Variants in MADD observed in about 807,000 individuals in gnomAD.
The protein encoded by MADD is MAP kinase-activating death domain protein.
MADD carries 109 observed loss-of-function variants against 176.7 expected under a neutral mutation model. That is an observed-to-expected ratio of 0.62 (90% CI 0.53 to 0.72). MADD has a LOEUF of 0.72. Among genes scored for constraint, MADD ranks in the 30% least tolerant of loss-of-function variants. The pLI is 0.00. For missense variants in MADD, 1,914 were observed against 2,045.5 expected (o/e 0.94, Z 1.24); for synonymous variants, 771 against 771.3 (o/e 1.00, Z 0.01).
intron 31 of MADD, chr11:47,327,240 CCAGA>C: frequency 1.0e-6 from 1 of 996,328 alleles, no homozygotes; most frequent in Non-Finnish European, 1.2e-6. Context: ...GGCCTCTGTG[CCAGA>C]CAAAGGGGCA....
At position 47,284,461 on chromosome 11, in the gene MADD, C is replaced by A; in HGVS notation, c.2053C>A (p.Pro685Thr). 3 of 1,614,110 alleles carry A rather than the reference C, an allele frequency of 1.9e-6. No homozygotes were observed. In the East Asian group the frequency reaches 6.7e-5, roughly 36 times the overall value. Residue 685 changes from proline (P) to threonine (T), a missense_variant, in exon 12 of 33, where the codon CCT becomes ACT. By Grantham distance (38) the Pro-to-Thr change is conservative. Coordinates refer to ENST00000402192, the Ensembl canonical transcript of MADD. Reference sequence around the variant, plus strand: ...GCAGAATCAGAAGGAAGCAGAAGAGCCTGGCCCAGACAGTGAGAACTCTCA... The same window carrying A: ...GCAGAATCAGAAGGAAGCAGAAGAGACTGGCCCAGACAGTGAGAACTCTCA...
At chr11:47,326,188 C>T (rs924778437) in intron 30 of MADD, among the ~76,000 whole-genome samples, 1 of 152,184 alleles carries the variant, frequency 6.6e-6, no homozygotes, top group Admixed American at 6.5e-5. Flanking sequence ...GATTAGAAAT[C>T]GTATTTGTAA....
intron 2 of MADD, among the ~76,000 whole-genome samples, chr11:47,274,256 T>C (rs1445836706): frequency 1.3e-5 from 2 of 152,232 alleles, no homozygotes; most frequent in East Asian, 1.9e-4. Context: ...AAGCTACTCC[T>C]CTATGTATAC....
At chr11:47,328,859 G>T (rs1470884168) in intron 32 of MADD, among the ~76,000 whole-genome samples, 155 bp downstream of exon 36, 1 of 152,174 alleles carries the variant, frequency 6.6e-6, no homozygotes, top group Non-Finnish European at 1.5e-5. Context: ...CAGGTCTTGA[G>T]CCCTGAGAGA....
intron 26 of MADD, among the ~76,000 whole-genome samples, chr11:47,313,303 T>C (rs1402751960): frequency 2.0e-5 from 3 of 152,148 alleles, no homozygotes; most frequent in African/African-American, 7.2e-5. Context: ...GAAACACTAT[T>C]TTCTTTCTTT....
In MADD at chr11:47,290,684, C is replaced by G. The variant is rs369513528; in HGVS notation, c.3169C>G (p.Arg1057Gly). Residue 1057 changes from arginine to glycine, a missense_variant, in exon 19 of 33, where the codon CGG becomes GGG. Arg to Gly is a moderately radical substitution (Grantham distance 125). Coordinates refer to ENST00000402192, the Ensembl canonical transcript of MADD. The stretch of plus-strand genomic sequence containing the variant: ...TGGCAAGGATCCTGGCCTAGCTGGG[C>G]GGGGGGACCCAAAGGCTATGGCACA... The G allele has an allele frequency of 1.9e-5, 31 of 1,613,950 alleles. No individual in the cohort carries two copies. In the East Asian group the frequency reaches 2.5e-4, roughly 13 times the overall value.
intron 6 of MADD, among the ~76,000 whole-genome samples, chr11:47,278,645 A>G (rs914553844): frequency 9.8e-5 from 15 of 152,286 alleles, no homozygotes; most frequent in Non-Finnish European, 7.4e-5. Context: ...TGCAGGCTTA[A>G]TTAATTATAT....
intron 27 of MADD, among the ~76,000 whole-genome samples, chr11:47,317,734 G>A (rs768767676): frequency 3.3e-5 from 5 of 151,492 alleles, no homozygotes; most frequent in Admixed American, 6.6e-5. Flanking sequence ...TTTTGCCTAT[G>A]GTATTTTTTG....
At chr11:47,327,821 C>T (rs938405776) in intron 31 of MADD, 1 of 985,312 alleles carries the variant, frequency 1.0e-6, no homozygotes, top group Non-Finnish European at 1.2e-6. Flanking sequence ...CAGGGAGATG[C>T]CAGGCCCCTC....
Position 47,313,812 on chromosome 11 carries a change from T to C in MADD, c.4090-1408T>C, listed in dbSNP as rs113335152. On this transcript the variant is annotated intron_variant, in intron 26 of 32. Transcript: ENST00000402192. ...TCTCACTCTGTCACCCGGGCTGGAGTGCAGCGGCGCGATCTCGGCTCACTA... is the reference window on the plus strand; with the variant it reads ...TCTCACTCTGTCACCCGGGCTGGAGCGCAGCGGCGCGATCTCGGCTCACTA... Among the ~76,000 whole-genome samples, 589 of 152,040 alleles carry C rather than the reference T, an allele frequency of 3.9e-3. 3 individuals carry two copies. Among genetic ancestry groups the C allele is most frequent in the African/African-American group, 0.013 (540 of 41,484 alleles).
At chr11:47,320,482 T>C (rs951639797) in intron 27 of MADD, among the ~76,000 whole-genome samples, 2 of 151,224 alleles carry the variant, frequency 1.3e-5, no homozygotes, top group African/African-American at 2.4e-5. Flanking sequence ...AAATGAAATA[T>C]ATATTTATAT....
rs549076869 is a variant in MADD, at chr11:47,302,961, TATC to T, written c.3643-5626_3643-5624del. ...TTTTGTGTATTTTCATGATAGTAAT[TATC>T]ATCTTTTTACTTCCAGATGTAGGAC... On this transcript the variant is annotated intron_variant, in intron 22 of 32. Coordinates refer to ENST00000402192, the Ensembl canonical transcript of MADD. Among the ~76,000 whole-genome samples, 1,347 of 152,350 alleles carry T rather than the reference TATC, an allele frequency of 8.8e-3. 10 individuals are homozygous for T. Among genetic ancestry groups the T allele is most frequent in the Non-Finnish European group, 0.013 (857 of 68,042 alleles).
chr11:47,323,607 GAAAC>G, intron 27 of MADD, 60 bp from the exon 31 acceptor site: 3 of 1,550,502 alleles, frequency 1.9e-6, no homozygotes, highest in Middle Eastern at 2.3e-4. Context: ...TTCCCTGTAG[GAAAC>G]AGTCTAGGGA....
intron 20 of MADD, among the ~76,000 whole-genome samples, chr11:47,294,669 CAAAA>C (rs58253961): frequency 1.8e-5 from 1 of 56,032 alleles, no homozygotes; most frequent in Non-Finnish European, 3.4e-5. Context: ...GACTCCGTCT[CAAAA>C]AAAAAAAAAA....
intron 22 of MADD, among the ~76,000 whole-genome samples, chr11:47,306,964 C>T (rs924122412): frequency 6.6e-6 from 1 of 152,072 alleles, no homozygotes; most frequent in African/African-American, 2.4e-5. Flanking sequence ...TGGCTTGGTG[C>T]AGTCATGGCT....
At chr11:47,277,577 A>G (rs969785105) in intron 5 of MADD, among the ~76,000 whole-genome samples, 4 of 152,240 alleles carry the variant, frequency 2.6e-5, no homozygotes, top group Non-Finnish European at 4.4e-5. Flanking sequence ...GATTACAGGC[A>G]TGAGCCACCG....
rs2095397134 is a variant in MADD, at chr11:47,325,840, A to G, written c.4543-898A>G. Among the ~76,000 whole-genome samples, 1 of 152,210 alleles carries G rather than the reference A, an allele frequency of 6.6e-6. No homozygotes were observed. The highest frequency in any genetic ancestry group is 1.5e-5 in the Non-Finnish European group (1 of 68,044). On this transcript the variant is annotated intron_variant, in intron 30 of 32. Transcript: ENST00000402192. This position sits in a 1 kb window ranked among gnomAD's most constrained non-coding sequence, Gnocchi z 4.5. Reference sequence around the variant, plus strand: ...CATAGCCCCACTGGGCAGCCATCCAAGCCAGTCTGTGGTTGAAGGCTTGGC... The same window carrying G: ...CATAGCCCCACTGGGCAGCCATCCAGGCCAGTCTGTGGTTGAAGGCTTGGC...
chr11:47,321,910 A>G (rs543858374), intron 27 of MADD, among the ~76,000 whole-genome samples: 2 of 152,236 alleles, frequency 1.3e-5, no homozygotes, highest in South Asian at 2.1e-4. Context: ...TTTGGACACA[A>G]TGAGTTTGAG....
At chr11:47,297,792 T>TTC (rs1555062730) in intron 22 of MADD, among the ~76,000 whole-genome samples, 36 of 142,996 alleles carry the variant, frequency 2.5e-4, no homozygotes, top group Non-Finnish European at 6.1e-5. Context: ...TTTCTTTCTT[T>TTC]TTTTTTTTTT....
Sources: allele counts gnomAD v4.1 joint callset (sites outside exome capture counted in the v4.1 genomes callset), GRCh38; gene constraint gnomAD v4.1.1; non-coding constraint Gnocchi (gnomAD v3.1); transcripts MANE v1.5; gene names NCBI Gene and HGNC (gene_info 2026-07-23, HGNC 2026-07-21).